The following YY1AP1 variants were observed in gnomAD, a reference collection of about 807,000 sequenced individuals.
The protein encoded by YY1AP1 is YY1 associated protein 1.
Under a neutral mutation model 39.9 loss-of-function variants are expected in YY1AP1, and 43 were observed. The observed-to-expected ratio is 1.08, with a 90% CI of 0.84 to 1.39. YY1AP1 has a LOEUF of 1.39. YY1AP1 is among the 40% of genes most tolerant of loss of function. The probability of loss-of-function intolerance (pLI) is 0.00; values close to 1 mark genes in which losing one functional copy is unlikely to be tolerated. For missense variants in YY1AP1, 813 were observed against 900.7 expected (o/e 0.90, Z 1.25); for synonymous variants, 292 against 331.3 (o/e 0.88, Z 1.29).
At chr1:155,676,081 G>A (rs1436543098) in intron 5 of YY1AP1, among the ~76,000 whole-genome samples, 1 of 152,080 alleles carries the variant, frequency 6.6e-6, no homozygotes, top group Non-Finnish European at 1.5e-5. Context: ...AATTAGCTGG[G>A]TGTGGTGGCG....
At chr1:155,686,763 A>G (rs1652450290) in intron 2 of YY1AP1, among the ~76,000 whole-genome samples, 1 of 152,214 alleles carries the variant, frequency 6.6e-6, no homozygotes, top group Non-Finnish European at 1.5e-5. Flanking sequence ...AAAATAATAT[A>G]GCCATGGATA....
chr1:155,679,432 G>A lies in YY1AP1; in HGVS notation c.102C>T (p.Asn34=), dbSNP rs200526712. 1.2e-6 allele frequency: 2 copies of A among 1,614,126 alleles called. No individual in the cohort carries two copies. Among genetic ancestry groups the A allele is most frequent in the Admixed American group, 1.7e-5 (1 of 60,026 alleles). The change falls in exon 4 of 11, where the codon AAC becomes AAT. Residue 34 remains asparagine (N), a synonymous_variant. Coordinates refer to ENST00000355499, the MANE Select transcript of YY1AP1 (RefSeq NM_139119.3). ...EEERVAEPQA[N]FNTPQALRFE... ...ACCGTAGAGCTTGAGGGGTGTTAAA[G>A]TTAGCTTGAGGCTCAGCCACACGCT...
chr1:155,684,365 C>T (rs900254834), intron 2 of YY1AP1, among the ~76,000 whole-genome samples: 7 of 152,056 alleles, frequency 4.6e-5, no homozygotes, highest in African/African-American at 9.7e-5. Flanking sequence ...ATCACATGTA[C>T]GTTTTGAGAA....
upstream of YY1AP1, chr1:155,688,859 G>T: frequency 6.2e-7 from 1 of 1,601,578 alleles, no homozygotes; most frequent in Non-Finnish European, 8.5e-7. Flanking sequence ...GGAAGGGACC[G>T]GCAAAGCGAG....
intron 2 of YY1AP1, among the ~76,000 whole-genome samples, chr1:155,684,220 C>A (rs747400842): frequency 1.3e-5 from 2 of 152,134 alleles, no homozygotes; most frequent in Non-Finnish European, 2.9e-5. Context: ...TGTACTCCAG[C>A]CTGGGCGAGG....
At chr1:155,673,987 C>T (rs1571342145) in intron 6 of YY1AP1, among the ~76,000 whole-genome samples, 1 of 151,972 alleles carries the variant, frequency 6.6e-6, no homozygotes, top group Non-Finnish European at 1.5e-5. Context: ...CGGTGAAACC[C>T]CGTCTCTACT....
chr1:155,670,571 T>G (rs1034715375), intron 7 of YY1AP1, 107 bp from the exon 8 acceptor site: 1 of 1,213,884 alleles, frequency 8.2e-7, no homozygotes. Flanking sequence ...TTATCTAACT[T>G]GATTCCCTCC....
upstream of YY1AP1, chr1:155,688,941 C>A (rs1426401051): frequency 6.2e-7 from 1 of 1,612,682 alleles, no homozygotes; most frequent in Non-Finnish European, 8.5e-7. Context: ...TCCCTGGGTT[C>A]GTCGCCGCGG....
Position 155,659,561 on chromosome 1 carries a change from G to GT in YY1AP1, c.*95dup. ...CCCAGTTGCAAAATCTGGGGTTTAA[G>GT]TACCCTTTAGGGGTTTCCTATTGGT... On this transcript the variant is annotated 3_prime_UTR_variant, in exon 11 of 11. Coordinates refer to ENST00000355499, the MANE Select transcript of YY1AP1 (RefSeq NM_139119.3). 2 of 1,394,018 alleles carry GT rather than the reference G, an allele frequency of 1.4e-6. No individual in the cohort carries two copies. Among genetic ancestry groups the GT allele is most frequent in the Non-Finnish European group, 2.0e-6 (2 of 1,020,380 alleles). 86.4% of individuals were successfully genotyped at this position (1,394,018 alleles called of 1,614,324 possible).
chr1:155,680,383 A>C, intron 3 of YY1AP1, 33 bp downstream of exon 3: 1 of 1,612,060 alleles, frequency 6.2e-7, no homozygotes, highest in Non-Finnish European at 8.5e-7. Context: ...CCAACTTACA[A>C]TCCCATGTTC....
intron 9 of YY1AP1, among the ~76,000 whole-genome samples, chr1:155,666,130 AT>A (rs35092542): frequency 0.024 from 3,563 of 147,856 alleles, 147 homozygotes; most frequent in African/African-American, 0.084. Flanking sequence ...CTTAAAATCT[AT>A]TTTTTTTTTT....
chr1:155,682,313 T>G (rs1468759023), intron 2 of YY1AP1, among the ~76,000 whole-genome samples: 2 of 152,190 alleles, frequency 1.3e-5, no homozygotes, highest in Non-Finnish European at 2.9e-5. Context: ...TAACAACCAT[T>G]CTAGCTATCT....
rs575623245 is a variant in YY1AP1 at position 155,684,832 on chromosome 1, C to T, written c.-21+3239G>A. On this transcript the variant is annotated intron_variant, in intron 2 of 10. Transcript: ENST00000355499. The stretch of plus-strand genomic sequence containing the variant: ...ATCTTCTGAGCTCTGACAATCCATC[C>T]GCCTCGTCCTCCCAAAGTGCTAGGA... Among the ~76,000 whole-genome samples, 8 of 152,260 alleles carry T rather than the reference C, an allele frequency of 5.3e-5. No individual in the cohort carries two copies. In the South Asian group the frequency reaches 1.2e-3, roughly 24 times the overall value.
chr1:155,665,944 C>T (rs778738183), intron 9 of YY1AP1, among the ~76,000 whole-genome samples: 17 of 151,974 alleles, frequency 1.1e-4, no homozygotes, highest in Non-Finnish European at 2.2e-4. Flanking sequence ...GAGCAACACG[C>T]TTAAAGTGGA....
chr1:155,684,745 G>A (rs1019392851), intron 2 of YY1AP1, among the ~76,000 whole-genome samples: 2 of 151,910 alleles, frequency 1.3e-5, no homozygotes, highest in African/African-American at 4.8e-5. Context: ...TCCAACACAT[G>A]CAGCTAATTT....
At chr1:155,676,839 T>A in intron 4 of YY1AP1, 93 bp from the exon 5 acceptor site, 1 of 1,249,834 alleles carries the variant, frequency 8.0e-7, no homozygotes, top group Non-Finnish European at 1.1e-6. Context: ...CCTGAACAAT[T>A]TTCATTCCCT....
Position 155,688,160 on chromosome 1 carries a change from G to C in YY1AP1, c.-110C>G. The C allele has an allele frequency of 1.2e-6, 2 of 1,613,990 alleles. No individual in the cohort carries two copies. The highest frequency in any genetic ancestry group is 1.7e-6 in the Non-Finnish European group (2 of 1,179,954). Reference sequence around the variant, plus strand: ...CCTCCGCTTCCCTGGGTCCACCGCGGATCCCTCCCGCTTGTCAGGAGGCGG... The same window carrying C: ...CCTCCGCTTCCCTGGGTCCACCGCGCATCCCTCCCGCTTGTCAGGAGGCGG... On this transcript the variant is annotated 5_prime_UTR_variant, in exon 2 of 11. The change creates a new upstream start codon in the 5' untranslated region. Coordinates refer to ENST00000355499, the MANE Select transcript of YY1AP1 (RefSeq NM_139119.3).
rs1295684648 is a variant in YY1AP1 at position 155,659,671 on chromosome 1, T to G, written c.2239A>C (p.Ser747Arg). Residue 747 changes from serine (S) to arginine (R), a missense_variant, in exon 11 of 11, where the codon AGT becomes CGT. Ser to Arg is a moderately radical substitution (Grantham distance 110, BLOSUM62 -1). Transcript: ENST00000355499. ...MEPEDATEEI[S>R]GFL ...ATTCTCCTAGCTCAAAGAAATCCAC[T>G]GATTTCCTCTGTAGCATCTTCAGGT... is the stretch of plus-strand genomic sequence containing the variant. The G allele has an allele frequency of 6.2e-7, 1 of 1,614,180 alleles. No homozygotes were observed. Among genetic ancestry groups the G allele is most frequent in the Non-Finnish European group, 8.5e-7 (1 of 1,180,018 alleles).
chr1:155,667,528 T>C (rs1649193569), intron 9 of YY1AP1, among the ~76,000 whole-genome samples: 1 of 149,330 alleles, frequency 6.7e-6, no homozygotes, highest in Non-Finnish European at 1.5e-5. Context: ...AATAAATATC[T>C]AAATAAAAAA....
Sources: gnomAD v4.1 joint callset for allele counts (sites outside exome capture counted in the v4.1 genomes callset) on GRCh38, gnomAD v4.1.1 for gene constraint, MANE v1.5 for transcripts, NCBI Gene and HGNC (gene_info 2026-07-23, HGNC 2026-07-21) for gene names.